STEAP2: variants seen among roughly 807,000 people sequenced by gnomAD.
STEAP2 encodes the protein STEAP2 metalloreductase.
Under a neutral mutation model 46.4 loss-of-function variants are expected in STEAP2, and 30 were observed. The ratio of observed to expected loss-of-function variants is 0.65; its 90% confidence interval spans 0.48 to 0.88. The LOEUF (loss-of-function observed/expected upper bound fraction) is 0.88. STEAP2 is among the 40% of genes least tolerant of loss of function. The pLI, the probability that STEAP2 is intolerant of heterozygous loss-of-function variation, is 0.00. For synonymous variants in STEAP2, 180 were observed against 200.5 expected (o/e 0.90, Z 0.86); for missense variants, 513 against 579.3 (o/e 0.89, Z 1.18).
At chr7:90,230,949 A>C (rs1237358875) in intron 5 of STEAP2, among the ~76,000 whole-genome samples, 1 of 151,884 alleles carries the variant, frequency 6.6e-6, no homozygotes, top group African/African-American at 2.4e-5. Context: ...GTACTTTCCC[A>C]ACAGCTAGTT....
rs1490552297 is a variant in STEAP2, at chr7:90,236,198, AG to A, written c.*3575del. ...ATTCTGTACAGTTTCCCCCCAAAAAAGAGATTTATTTATGAAATATTTAAAG... is the reference window on the plus strand; with the variant it reads ...ATTCTGTACAGTTTCCCCCCAAAAAAAGATTTATTTATGAAATATTTAAAG... On this transcript the variant is annotated 3_prime_UTR_variant, in exon 6 of 6. Transcript: ENST00000394621. 3 of 783,898 alleles carry A rather than the reference AG, an allele frequency of 3.8e-6. No homozygotes were observed. Among genetic ancestry groups the A allele is most frequent in the Non-Finnish European group, 4.6e-6 (3 of 647,528 alleles). The allele number at this position is 783,898 out of a possible 1,614,324, so 48.6% of individuals were successfully genotyped here. A position where few individuals can be genotyped will look rare whatever the true frequency, so the allele number is the denominator to read the frequency against.
chr7:90,216,470 G>T (rs982093270), intron 1 of STEAP2, 21 bp from the exon 2 acceptor site: 11 of 152,152 alleles, frequency 7.2e-5, no homozygotes, highest in Non-Finnish European at 1.6e-4. Context: ...GCATTTTAAG[G>T]AATGGCATTG....
intron 4 of STEAP2, among the ~76,000 whole-genome samples, chr7:90,228,240 A>G (rs949997475): frequency 8.5e-5 from 13 of 152,182 alleles, no homozygotes; most frequent in African/African-American, 2.9e-4. Context: ...AAAGCCAAGA[A>G]CATTGCACCA....
downstream of STEAP2, among the ~76,000 whole-genome samples, chr7:90,242,081 G>A (rs532037889): frequency 2.8e-4 from 41 of 146,674 alleles, no homozygotes; most frequent in Admixed American, 1.3e-3. Flanking sequence ...TACCGTTAGA[G>A]CTAGAAAAAA....
In STEAP2 at chr7:90,225,469, T is replaced by C. The variant is rs753670678; in HGVS notation, c.387T>C (p.Asn129=). 6.2e-7 allele frequency: 1 copy of C among 1,613,912 alleles called. No homozygotes were observed. Among genetic ancestry groups the C allele is most frequent in the South Asian group, 1.1e-5 (1 of 91,068 alleles). Residue 129 remains asparagine (N), a synonymous_variant, in exon 3 of 6, where the codon AAT becomes AAC. Coordinates refer to ENST00000394621, the MANE Select transcript of STEAP2 (RefSeq NM_001244944.2). ...NMRINQYPES[N]AEYLASLFPD... ...GGATAAACCAGTACCCAGAATCCAA[T>C]GCTGAATATTTGGCTTCATTATTCC...
chr7:90,232,333 C>CA lies in STEAP2; in HGVS notation c.1186-2dup. On this transcript the variant is annotated splice_polypyrimidine_tract_variant and splice_region_variant and intron_variant, in intron 5 of 5. Transcript: ENST00000394621. ...GTTTCTTTTCCTTCCTCTCCTGGCC[C>CA]AAGTCTACACTTGGATATGTCGCTC... 4.4e-6 allele frequency: 7 copies of CA among 1,577,090 alleles called. No homozygotes were observed. Among genetic ancestry groups the CA allele is most frequent in the Non-Finnish European group, 6.0e-6 (7 of 1,159,614 alleles).
chr7:90,226,852 T>C (rs1464419790), intron 3 of STEAP2, 119 bp from the exon 4 acceptor site: 5 of 996,626 alleles, frequency 5.0e-6, no homozygotes, highest in Non-Finnish European at 5.9e-6. Flanking sequence ...TAGCTGAAAA[T>C]TCAACAAGTA....
At chr7:90,221,245 C>T (rs1322055672) in intron 2 of STEAP2, among the ~76,000 whole-genome samples, 3 of 151,960 alleles carry the variant, frequency 2.0e-5, no homozygotes, top group Non-Finnish European at 4.4e-5. Context: ...GTTGTATTGG[C>T]GTCTGTTTCT....
In STEAP2 at chr7:90,230,025, AG is replaced by A. The variant is rs1562812326; in HGVS notation, c.1175del (p.Ser392IlefsTer14). The A allele has an allele frequency of 1.2e-6, 2 of 1,612,694 alleles. No homozygotes were observed. Among genetic ancestry groups the A allele is most frequent in the Admixed American group, 3.3e-5 (2 of 59,908 alleles). On this transcript the variant is annotated frameshift_variant, in exon 5 of 6. Coordinates refer to ENST00000394621, the MANE Select transcript of STEAP2 (RefSeq NM_001244944.2). ...CAATGCTTTAAACTGGAGAGAATTC[AG>A]TTTTATTCAGGTATGTGGGGTTTTG... is the stretch of plus-strand genomic sequence containing the variant. ...VSNALNWREF[S>X]FIQSTLGYVA...
chr7:90,233,427 A>T lies in STEAP2; in HGVS notation c.*803A>T, dbSNP rs887579838. On this transcript the variant is annotated 3_prime_UTR_variant, in exon 6 of 6. Coordinates refer to ENST00000394621, the MANE Select transcript of STEAP2 (RefSeq NM_001244944.2). ...TCCTAGGAACTGTATACTAGTTCCT[A>T]CTTAGAACAAAAGTATCAAGTTTGC... 10 of 985,306 alleles carry T rather than the reference A, an allele frequency of 1.0e-5. No individual in the cohort carries two copies. The African/African-American group carries it at 1.2e-4, about 12-fold the overall frequency. The allele number at this position is 985,306 out of a possible 1,614,324, so 61.0% of individuals were successfully genotyped here.
chr7:90,230,847 GT>G (rs561205263), intron 5 of STEAP2, among the ~76,000 whole-genome samples: 38 of 143,284 alleles, frequency 2.7e-4, no homozygotes, highest in Admixed American at 4.9e-4. Flanking sequence ...TTATTTGCTT[GT>G]TTTTTTTTTT....
chr7:90,217,698 A>G (rs1795078433), intron 2 of STEAP2, among the ~76,000 whole-genome samples: 1 of 95,342 alleles, frequency 1.0e-5, no homozygotes, highest in Non-Finnish European at 2.0e-5. Flanking sequence ...TAGTGTGAAT[A>G]GTGCGCAAAA....
At chr7:90,219,775 G>C (rs1199879736) in intron 2 of STEAP2, among the ~76,000 whole-genome samples, 2 of 152,098 alleles carry the variant, frequency 1.3e-5, no homozygotes, top group Non-Finnish European at 2.9e-5. Context: ...TTGCCCAGGA[G>C]GGAGTGCGGT....
At chr7:90,226,792 C>G (rs990567235) in intron 3 of STEAP2, among the ~76,000 whole-genome samples, 179 bp from the exon 4 acceptor site, 1 of 152,104 alleles carries the variant, frequency 6.6e-6, no homozygotes, top group African/African-American at 2.4e-5. Context: ...TCAATAAATA[C>G]TTGTTGTTGT....
At chr7:90,230,188 G>C (rs1795680325) in intron 5 of STEAP2, 152 bp downstream of exon 5, 2 of 1,455,168 alleles carry the variant, frequency 1.4e-6, no homozygotes, top group Non-Finnish European at 1.8e-6. Flanking sequence ...GCTTAGGATT[G>C]CTCTGGTTAA....
chr7:90,238,105 A>G (rs143319800), downstream of STEAP2: 55 of 717,290 alleles, frequency 7.7e-5, no homozygotes, highest in African/African-American at 8.7e-4. Context: ...CCAGTGGCCT[A>G]GCGCTACCCT....
intron 2 of STEAP2, among the ~76,000 whole-genome samples, chr7:90,221,670 CAGGTAACTTAG>C (rs1795263377): frequency 6.6e-6 from 1 of 152,156 alleles, no homozygotes; most frequent in Non-Finnish European, 1.5e-5. Flanking sequence ...CACCCGGATA[CAGGTAACTTAG>C]AGATCTCCAA....
At chr7:90,238,023 G>GT (rs1261988237), downstream of STEAP2, 12 of 714,142 alleles carry the variant, frequency 1.7e-5, no homozygotes, top group African/African-American at 1.9e-4. Context: ...AGAAAATTAT[G>GT]TTTTTTATCA....
intron 1 of STEAP2, chr7:90,216,055 G>A (rs571847680): frequency 5.3e-5 from 8 of 152,330 alleles, no homozygotes; most frequent in South Asian, 4.1e-4. Flanking sequence ...GATTACAGAC[G>A]TGAGCCACCA....
Sources: gnomAD v4.1 joint callset for allele counts (sites outside exome capture counted in the v4.1 genomes callset) on GRCh38, gnomAD v4.1.1 for gene constraint, MANE v1.5 for transcripts, NCBI Gene and HGNC (gene_info 2026-07-23, HGNC 2026-07-21) for gene names.